Variants in ALG5 observed in about 807,000 individuals in gnomAD.
ALG5 encodes dolichyl-phosphate beta-glucosyltransferase.
Under a neutral mutation model 51.8 loss-of-function variants are expected in ALG5, and 26 were observed. That is an observed-to-expected ratio of 0.50 (90% CI 0.37 to 0.70). The LOEUF is 0.70. Among genes scored for constraint, ALG5 ranks in the 30% least tolerant of loss-of-function variants. ALG5 has a pLI of 0.00. For missense variants in ALG5, 311 were observed against 399.3 expected (o/e 0.78, Z 1.88); for synonymous variants, 141 against 136.1 (o/e 1.04, Z -0.25).
intron 8 of ALG5, among the ~76,000 whole-genome samples, chr13:36,954,388 T>C (rs570349071): frequency 6.6e-6 from 1 of 152,214 alleles, no homozygotes; most frequent in East Asian, 1.9e-4. Context: ...AGAGAAGAGG[T>C]TTCATTATGT....
intron 6 of ALG5, among the ~76,000 whole-genome samples, chr13:36,977,556 C>T (rs1224918689): frequency 6.6e-6 from 1 of 151,872 alleles, no homozygotes; most frequent in East Asian, 1.9e-4. Flanking sequence ...CTTTGGGAGG[C>T]TGAGGCAGGG....
chr13:36,968,344 G>A (rs898869805), intron 7 of ALG5, among the ~76,000 whole-genome samples: 5 of 152,134 alleles, frequency 3.3e-5, no homozygotes, highest in Non-Finnish European at 7.4e-5. Flanking sequence ...AAATTTAAAG[G>A]TGACTTCTAA....
chr13:36,998,192 C>T (rs2059060281), intron 1 of ALG5, among the ~76,000 whole-genome samples: 1 of 152,104 alleles, frequency 6.6e-6, no homozygotes, highest in African/African-American at 2.4e-5. Flanking sequence ...TCCCCGCCCG[C>T]ACCCCGCCAA....
chr13:36,985,105 G>A lies in ALG5; in HGVS notation c.561+522C>T, dbSNP rs546202772. Among the ~76,000 whole-genome samples the A allele has an allele frequency of 5.9e-5, 9 of 151,400 alleles. No homozygotes were observed. In the South Asian group the frequency reaches 6.3e-4, roughly 11 times the overall value. ...TTGGCAAACGCTCAGGATCCTGAGC[G>A]TTTGCCAAATTCATCTTATTTCTCT... On this transcript the variant is annotated intron_variant, in intron 6 of 9. Transcript: ENST00000239891.
Position 36,995,544 on chromosome 13 carries a change from T to C in ALG5, c.119A>G (p.His40Arg). Residue 40 changes from histidine (H) to arginine (R), a missense_variant, in exon 2 of 10, where the codon CAT (histidine) becomes CGT (arginine). Physicochemically the swap from His to Arg is conservative, Grantham distance 29. Coordinates refer to ENST00000239891, the MANE Select transcript of ALG5 (RefSeq NM_013338.5). ...ATTTAAGAAGAATTTCTCTTCTTCA[T>C]GTCGATGGAGTGCTGGCATTTTTGT... ...TATKMPALHR[H>R]EEEKFFLNAK... is the part of the protein sequence containing the mutation. 1.2e-6 allele frequency: 2 copies of C among 1,607,018 alleles called. No individual in the cohort carries two copies. The highest frequency in any genetic ancestry group is 1.7e-6 in the Non-Finnish European group (2 of 1,178,528).
intron 4 of ALG5, among the ~76,000 whole-genome samples, chr13:36,992,352 T>C (rs2059029203): frequency 6.6e-6 from 1 of 152,220 alleles, no homozygotes; most frequent in Non-Finnish European, 1.5e-5. Context: ...ATTTGTGCTG[T>C]AGATGTTTAC....
intron 5 of ALG5, among the ~76,000 whole-genome samples, chr13:36,987,542 G>A (rs555870594): frequency 4.2e-4 from 64 of 152,246 alleles, no homozygotes; most frequent in African/African-American, 1.4e-3. Flanking sequence ...CTCGTCATAC[G>A]ATGCTCCTGC....
At chr13:36,985,590 TG>T in intron 6 of ALG5, 36 bp downstream of exon 6, 1 of 1,520,030 alleles carries the variant, frequency 6.6e-7, no homozygotes, top group Non-Finnish European at 9.0e-7. Context: ...CCTGCATTCT[TG>T]ACTGAATGTT....
Position 36,989,845 on chromosome 13 carries a change from A to G in ALG5, c.355-269T>C, listed in dbSNP as rs192341050. ...TTTTCTTGACTCCTCTACCTAAGCTACTGAGCTGCTAAAAAACAAACAACA... is the reference window on the plus strand; with the variant it reads ...TTTTCTTGACTCCTCTACCTAAGCTGCTGAGCTGCTAAAAAACAAACAACA... On this transcript the variant is annotated intron_variant, in intron 4 of 9. Coordinates refer to ENST00000239891, the MANE Select transcript of ALG5 (RefSeq NM_013338.5). Among the ~76,000 whole-genome samples, 103 of 152,266 alleles carry G rather than the reference A, an allele frequency of 6.8e-4. 1 individual carries two copies. The highest frequency in any genetic ancestry group is 2.4e-3 in the African/African-American group (99 of 41,552).
At chr13:36,991,414 T>C (rs1293325051) in intron 4 of ALG5, among the ~76,000 whole-genome samples, 1 of 152,238 alleles carries the variant, frequency 6.6e-6, no homozygotes, top group Admixed American at 6.5e-5. Flanking sequence ...GCAAAGATTT[T>C]TATTTCTGGT....
Position 36,976,355 on chromosome 13 carries a change from G to A in ALG5, c.562-4319C>T, listed in dbSNP as rs370753466. Among the ~76,000 whole-genome samples the A allele has an allele frequency of 2.3e-3, 343 of 149,556 alleles. 2 individuals are homozygous for A. Among genetic ancestry groups the A allele is most frequent in the African/African-American group, 8.0e-3 (323 of 40,570 alleles). ...GGCAGGAAACTGCTTGAATCTGGGA[G>A]GTGGAGGTTGCAGTGAGACAAGATT... On this transcript the variant is annotated intron_variant, in intron 6 of 9. Coordinates refer to ENST00000239891, the MANE Select transcript of ALG5 (RefSeq NM_013338.5).
chr13:36,979,254 G>A lies in ALG5; in HGVS notation c.561+6373C>T, dbSNP rs1392630347. Among the ~76,000 whole-genome samples, 5 of 152,162 alleles carry A rather than the reference G, an allele frequency of 3.3e-5. No individual in the cohort carries two copies. The East Asian group carries it at 9.7e-4, about 30-fold the overall frequency. On this transcript the variant is annotated intron_variant, in intron 6 of 9. Transcript: ENST00000239891. Reference sequence around the variant, plus strand: ...GCTGGTCTCAAACGCCTGTCCTCAGGTTCCCAAAGTGCTGGTATTACAGGG... The same window carrying A: ...GCTGGTCTCAAACGCCTGTCCTCAGATTCCCAAAGTGCTGGTATTACAGGG...
intron 8 of ALG5, among the ~76,000 whole-genome samples, chr13:36,965,158 C>T (rs949144380): frequency 6.6e-6 from 1 of 152,022 alleles, no homozygotes; most frequent in Non-Finnish European, 1.5e-5. Context: ...AATACATGGA[C>T]AGGATTAGGT....
intron 1 of ALG5, among the ~76,000 whole-genome samples, chr13:36,997,620 T>C (rs1277094667): frequency 1.3e-5 from 2 of 152,054 alleles, no homozygotes; most frequent in East Asian, 3.9e-4. Context: ...CTGAGACATA[T>C]ATGAGACAAG....
At chr13:36,963,767 T>A (rs1252227062) in intron 8 of ALG5, among the ~76,000 whole-genome samples, 1 of 152,198 alleles carries the variant, frequency 6.6e-6, no homozygotes, top group Non-Finnish European at 1.5e-5. Context: ...CATATATTTC[T>A]AGGAAGACAA....
At chr13:36,980,747 C>A (rs183765280) in intron 6 of ALG5, among the ~76,000 whole-genome samples, 1 of 151,680 alleles carries the variant, frequency 6.6e-6, no homozygotes, top group African/African-American at 2.4e-5. Context: ...CCGAGGCAGG[C>A]AGATCACTTG....
chr13:36,982,230 C>T lies in ALG5; in HGVS notation c.561+3397G>A, dbSNP rs534991156. Among the ~76,000 whole-genome samples the T allele has an allele frequency of 6.6e-5, 10 of 152,298 alleles. No individual in the cohort carries two copies. In the South Asian group the frequency reaches 2.1e-3, roughly 32 times the overall value. ...TGGAGTAGATAATTTTGTGTAGCTA[C>T]AGAAGACAGAAACAATGGAAGGGGG... is the stretch of plus-strand genomic sequence containing the variant. On this transcript the variant is annotated intron_variant, in intron 6 of 9. Coordinates refer to ENST00000239891, the MANE Select transcript of ALG5 (RefSeq NM_013338.5).
chr13:36,978,104 T>C (rs1322865392), intron 6 of ALG5, among the ~76,000 whole-genome samples: 99 of 150,520 alleles, frequency 6.6e-4, no homozygotes, highest in African/African-American at 2.3e-3. Context: ...GCCAGGATGG[T>C]CTCCATCTCC....
At chr13:36,972,173 A>G in intron 6 of ALG5, 137 bp from the exon 7 acceptor site, 2 of 751,126 alleles carry the variant, frequency 2.7e-6, no homozygotes, top group Non-Finnish European at 4.2e-6. Context: ...GGTTTATTGA[A>G]AAGTTCAGAA....
Sources: allele counts gnomAD v4.1 joint callset (sites outside exome capture counted in the v4.1 genomes callset), GRCh38; gene constraint gnomAD v4.1.1; transcripts MANE v1.5; gene names NCBI Gene and HGNC (gene_info 2026-07-23, HGNC 2026-07-21).